Variants in CEP295 observed in about 807,000 individuals in gnomAD.
CEP295 encodes the protein centrosomal protein 295.
In CEP295, 190 loss-of-function variants were observed where a neutral mutation model predicts 291.6. That is an observed-to-expected ratio of 0.65 (90% CI 0.58 to 0.73). CEP295 has a LOEUF of 0.73. Among genes scored for constraint, CEP295 ranks in the 30% least tolerant of loss-of-function variants. CEP295 has a pLI of 0.00. For synonymous variants in CEP295, 993 were observed against 1,038.8 expected, an observed-to-expected ratio of 0.96 and a Z score of 0.85; for missense variants, 2,863 against 2,949.4, an observed-to-expected ratio of 0.97 and a Z score of 0.68.
intron 7 of CEP295, among the ~76,000 whole-genome samples, 153 bp downstream of exon 7, chr11:93,679,705 C>A (rs1356885822): frequency 1.3e-5 from 2 of 152,064 alleles, no homozygotes; most frequent in Admixed American, 6.6e-5. Context: ...ACTTTCTTTG[C>A]CCTCCAATTT....
At position 93,727,008 on chromosome 11, in the gene CEP295, G is replaced by T; in HGVS notation, c.6532G>T (p.Glu2178Ter). The change falls in exon 24 of 30, where the codon GAA becomes TAA. Residue 2178 changes from glutamate (E) to a stop codon, truncating the protein, a stop_gained. Coordinates refer to ENST00000325212, the MANE Select transcript of CEP295 (RefSeq NM_033395.2). LOFTEE classifies it high-confidence loss of function. ...SEQCFEQLQP[E>*]YSSQEESQHA... is the part of the protein sequence containing the mutation. ...ACAATGTTTTGAACAGCTTCAGCCAGAATATTCTTCACAGGAGGAGAGCCA... is the reference window on the plus strand; with the variant it reads ...ACAATGTTTTGAACAGCTTCAGCCATAATATTCTTCACAGGAGGAGAGCCA... 6.5e-7 allele frequency: 1 copy of T among 1,540,836 alleles called. No individual in the cohort carries two copies. The highest frequency in any genetic ancestry group is 1.2e-5 in the South Asian group (1 of 81,822).
rs763646954 is a variant in CEP295 at position 93,668,934 on chromosome 11, TA to T, written c.434+5del. ...AATATTACTGAAACAAAAAACCTGG[TA>T]AAGTAATAATTTTTACTATAATCTC... is the stretch of plus-strand genomic sequence containing the variant. On this transcript the variant is annotated splice_donor_region_variant and intron_variant, in intron 4 of 29. Transcript: ENST00000325212. 3.7e-5 allele frequency: 41 copies of T among 1,095,066 alleles called. No homozygotes were observed. The African/African-American group carries it at 5.6e-4, about 15-fold the overall frequency. 67.8% of individuals were successfully genotyped at this position (1,095,066 alleles called of 1,614,324 possible). A position where few individuals can be genotyped will look rare whatever the true frequency, so the allele number is the denominator to read the frequency against.
chr11:93,683,495 C>A, intron 7 of CEP295, 64 bp from the exon 8 acceptor site: 1 of 1,215,964 alleles, frequency 8.2e-7, no homozygotes, highest in Non-Finnish European at 1.1e-6. Flanking sequence ...CTACCTGCAA[C>A]ATTGTTAATA....
At position 93,723,288 on chromosome 11, in the gene CEP295, A is replaced by C. The variant is rs541556674; in HGVS notation, c.6195A>C (p.Gln2065His). 1 of 1,487,566 alleles carries C rather than the reference A, an allele frequency of 6.7e-7. No homozygotes were observed. Among genetic ancestry groups the C allele is most frequent in the South Asian group, 1.3e-5 (1 of 77,552 alleles). 92.1% of individuals were successfully genotyped at this position (1,487,566 alleles called of 1,614,324 possible). A position where few individuals can be genotyped will look rare whatever the true frequency, so the allele number is the denominator to read the frequency against. The change falls in exon 21 of 30, where the codon CAA becomes CAC. Residue 2065 changes from glutamine (Q) to histidine (H), a missense_variant and splice_region_variant. By Grantham distance (24) the Gln-to-His change is conservative (BLOSUM62 0). Transcript: ENST00000325212. ...ANLIPEKTDL[Q>H]ELEHIFPNLH... ...TGATACCTGAAAAAACAGATTTGCA[A>C]GGTAAAATTATTTTAAAGCAATACT...
chr11:93,715,120 C>T (rs1254075375), intron 18 of CEP295, among the ~76,000 whole-genome samples: 1 of 152,158 alleles, frequency 6.6e-6, no homozygotes, highest in African/African-American at 2.4e-5. Flanking sequence ...AGATGTTGTC[C>T]AGGAGTCAGT....
At chr11:93,675,701 T>C in intron 6 of CEP295, 35 bp downstream of exon 6, 1 of 1,088,460 alleles carries the variant, frequency 9.2e-7, no homozygotes, top group South Asian at 1.5e-5. Flanking sequence ...GCCCTCGCTT[T>C]ATTATTTCTG....
In CEP295 at chr11:93,667,627, T is replaced by A; in HGVS notation, c.129T>A (p.Asp43Glu). 1 of 1,548,524 alleles carries A rather than the reference T, an allele frequency of 6.5e-7. No homozygotes were observed. The highest frequency in any genetic ancestry group is 8.7e-7 in the Non-Finnish European group (1 of 1,145,982). The change falls in exon 3 of 30, where the codon GAT (aspartate) becomes GAA (glutamate). Residue 43 changes from aspartate (D) to glutamate (E), a missense_variant. Transcript: ENST00000325212. ...RLLQVREQER[D>E]IALQIREDIK... ...TTTAGGTTCGAGAACAAGAAAGAGA[T>A]ATCGCCTTACAGATAAGAGAAGACA...
chr11:93,707,788 C>T (rs1952615820), intron 18 of CEP295, among the ~76,000 whole-genome samples: 1 of 151,836 alleles, frequency 6.6e-6, no homozygotes. Flanking sequence ...CATTTTATAG[C>T]CAGATTTATT....
intron 18 of CEP295, among the ~76,000 whole-genome samples, chr11:93,721,006 C>T (rs1278991444): frequency 6.6e-6 from 1 of 152,194 alleles, no homozygotes; most frequent in Non-Finnish European, 1.5e-5. Flanking sequence ...GTGGCAAAAG[C>T]ATTTCTCATC....
intron 18 of CEP295, among the ~76,000 whole-genome samples, chr11:93,710,286 A>C (rs1952812435): frequency 1.3e-5 from 2 of 151,998 alleles, no homozygotes; most frequent in African/African-American, 4.8e-5. Flanking sequence ...TATGGCTTTT[A>C]TTGTGTTATG....
At chr11:93,729,413 A>C in intron 25 of CEP295, 21 bp from the exon 26 acceptor site, 1 of 1,500,896 alleles carries the variant, frequency 6.7e-7, no homozygotes, top group Non-Finnish European at 9.1e-7. Flanking sequence ...AGAGTAAAAC[A>C]TGCAACTTTC....
chr11:93,721,466 C>A, intron 19 of CEP295, 54 bp downstream of exon 19: 1 of 1,113,560 alleles, frequency 9.0e-7, no homozygotes, highest in Non-Finnish European at 1.4e-6. Context: ...GCTTCGTATT[C>A]TCTTTTGTTT....
intron 17 of CEP295, among the ~76,000 whole-genome samples, chr11:93,704,878 A>G (rs1324011288): frequency 6.6e-6 from 1 of 152,154 alleles, no homozygotes; most frequent in Admixed American, 6.5e-5. Context: ...GTTACTTTTC[A>G]AGTATTTTAA....
rs79009578 is a variant in CEP295, at chr11:93,723,606, C to T, written c.6196+317C>T. On this transcript the variant is annotated intron_variant, in intron 21 of 29. Transcript: ENST00000325212. ...AAATCATACAGTTCTGGATTTGAGT[C>T]ATAGCCTGACCATTTCCTAGCTGTA... 154 of 194,680 alleles carry T rather than the reference C, an allele frequency of 7.9e-4. 2 individuals carry two copies. The East Asian group carries it at 0.02, about 26-fold the overall frequency. 12.1% of individuals were successfully genotyped at this position (194,680 alleles called of 1,614,324 possible).
intron 17 of CEP295, among the ~76,000 whole-genome samples, chr11:93,704,099 A>G (rs1952367499): frequency 6.6e-6 from 1 of 152,084 alleles, no homozygotes; most frequent in African/African-American, 2.4e-5. Context: ...AAATAGTCTT[A>G]TGTGAATTTC....
chr11:93,677,579 ACATATTCATGGGCTTCAT>A (rs1422306560), intron 6 of CEP295, among the ~76,000 whole-genome samples: 5 of 152,186 alleles, frequency 3.3e-5, no homozygotes, highest in Non-Finnish European at 4.4e-5. Context: ...GTCCTACATT[ACATATTCATGGGCTTCAT>A]CATGTCTATT....
chr11:93,687,291 A>G (rs769579282), intron 9 of CEP295, among the ~76,000 whole-genome samples: 43 of 152,332 alleles, frequency 2.8e-4, no homozygotes, highest in Non-Finnish European at 5.1e-4. Flanking sequence ...TATATTTTCA[A>G]TACTAATCTT....
intron 18 of CEP295, among the ~76,000 whole-genome samples, chr11:93,714,161 C>T (rs1080367): frequency 6.6e-6 from 1 of 151,860 alleles, no homozygotes; most frequent in Non-Finnish European, 1.5e-5. Context: ...GCCCTTGGTC[C>T]CTTATTTAGT....
At chr11:93,717,036 T>G (rs995814734) in intron 18 of CEP295, among the ~76,000 whole-genome samples, 5 of 151,930 alleles carry the variant, frequency 3.3e-5, no homozygotes, top group African/African-American at 1.2e-4. Context: ...GCTGGGAGAG[T>G]CTACAGAGCA....
Sources: gnomAD v4.1 joint callset for allele counts (sites outside exome capture counted in the v4.1 genomes callset) on GRCh38, gnomAD v4.1.1 for gene constraint, MANE v1.5 for transcripts, NCBI Gene and HGNC (gene_info 2026-07-23, HGNC 2026-07-21) for gene names.